TMEM131: variants seen among roughly 807,000 people sequenced by gnomAD.
TMEM131 encodes the protein transmembrane protein 131.
Under a neutral mutation model 211.6 loss-of-function variants are expected in TMEM131, and 66 were observed. That is an observed-to-expected ratio of 0.31 (90% CI 0.26 to 0.38). The LOEUF (loss-of-function observed/expected upper bound fraction) is 0.38, where lower values mean the gene tolerates loss of function less well. Ranked by LOEUF, TMEM131 falls within the 10% of genes least tolerant of loss-of-function variation. TMEM131 has a pLI of 1.00. For missense variants in TMEM131, 2,036 were observed against 2,299.3 expected, an observed-to-expected ratio of 0.89 and a Z score of 2.34; for synonymous variants, 844 against 841.3, an observed-to-expected ratio of 1.00 and a Z score of -0.06.
At chr2:97,885,627 T>C (rs1326734450) in intron 4 of TMEM131, among the ~76,000 whole-genome samples, 3 of 152,234 alleles carry the variant, frequency 2.0e-5, no homozygotes, top group African/African-American at 7.2e-5. Context: ...CTGTAAGTTT[T>C]CTGCTGAGAA....
chr2:97,951,244 T>C (rs1678296537), intron 1 of TMEM131, among the ~76,000 whole-genome samples: 1 of 152,210 alleles, frequency 6.6e-6, no homozygotes, highest in Non-Finnish European at 1.5e-5. Context: ...TTGTAGTCTG[T>C]AGTTCCAAAG....
At position 97,766,119 on chromosome 2, in the gene TMEM131, C is replaced by T. The variant is rs1229855906; in HGVS notation, c.4718G>A (p.Gly1573Asp). ...EWDSVPVHKP[G>D]SSTDSLYKLS... ...TTCTAAACTACTATACTTACAGCTG[C>T]CAGGTTTGTGAACTGGAACGGAATC... The change falls in exon 35 of 41, where the codon GGC becomes GAC. Residue 1573 changes from glycine to aspartate, a missense_variant. Physicochemically the swap from Gly to Asp is moderately conservative, Grantham distance 94. Around this residue, in one of 3 missense-constraint regions of TMEM131, gnomAD observed 1,623 missense variants for 1,805.9 expected, o/e 0.90. Transcript: ENST00000186436. 6.2e-7 allele frequency: 1 copy of T among 1,613,852 alleles called. No homozygotes were observed. Among genetic ancestry groups the T allele is most frequent in the Non-Finnish European group, 8.5e-7 (1 of 1,179,882 alleles).
chr2:97,869,868 C>T (rs1369997001), intron 4 of TMEM131, among the ~76,000 whole-genome samples: 7 of 152,204 alleles, frequency 4.6e-5, no homozygotes, highest in Non-Finnish European at 7.3e-5. Flanking sequence ...TCTTACAATT[C>T]TGTAAGAATG....
intron 5 of TMEM131, among the ~76,000 whole-genome samples, chr2:97,850,488 C>T (rs997778278): frequency 3.3e-5 from 5 of 152,126 alleles, no homozygotes; most frequent in Admixed American, 2.6e-4. Context: ...CCACCAGTGC[C>T]ATCCTCTCTG....
chr2:97,805,312 C>G lies in TMEM131; in HGVS notation c.2284+64G>C, dbSNP rs947659294. On this transcript the variant is annotated intron_variant, in intron 21 of 40. Transcript: ENST00000186436. Reference sequence around the variant, plus strand: ...CAGCAATGTACTTTAAAAGTGGCGGCCTCTTACTAAAAGAGTATTTTGGGG... The same window carrying G: ...CAGCAATGTACTTTAAAAGTGGCGGGCTCTTACTAAAAGAGTATTTTGGGG... The G allele has an allele frequency of 7.0e-6, 11 of 1,575,352 alleles. No individual in the cohort carries two copies. In the East Asian group the frequency reaches 2.3e-4, roughly 33 times the overall value.
chr2:97,963,883 T>C (rs1362140779), intron 1 of TMEM131, among the ~76,000 whole-genome samples: 1 of 152,242 alleles, frequency 6.6e-6, no homozygotes, highest in Non-Finnish European at 1.5e-5. Flanking sequence ...TGCATAGTGG[T>C]AAATTTTTGC....
At chr2:97,773,677 T>C (rs1573336788) in intron 32 of TMEM131, among the ~76,000 whole-genome samples, 1 of 150,228 alleles carries the variant, frequency 6.7e-6, no homozygotes, top group African/African-American at 2.5e-5. Flanking sequence ...TGAGACAAGG[T>C]ACTCACTCTG....
intron 31 of TMEM131, among the ~76,000 whole-genome samples, chr2:97,784,179 GA>G (rs1362185235): frequency 6.6e-6 from 1 of 152,028 alleles, no homozygotes; most frequent in East Asian, 1.9e-4. Flanking sequence ...CAACTAGACA[GA>G]AAAATCAGGA....
At chr2:97,771,206 A>G (rs565331505) in intron 33 of TMEM131, among the ~76,000 whole-genome samples, 1 of 152,332 alleles carries the variant, frequency 6.6e-6, no homozygotes, top group South Asian at 2.1e-4. Flanking sequence ...AATTGCCACA[A>G]AAGAGTAAAT....
intron 1 of TMEM131, among the ~76,000 whole-genome samples, chr2:97,992,910 C>A (rs1285667087): frequency 6.6e-6 from 1 of 152,178 alleles, no homozygotes; most frequent in African/African-American, 2.4e-5. Context: ...ACAAACTTTA[C>A]ATCACAGCCA....
At position 97,833,461 on chromosome 2, in the gene TMEM131, A is replaced by G. The variant is rs775163794; in HGVS notation, c.1013-35T>C. On this transcript the variant is annotated intron_variant, in intron 10 of 40. Transcript: ENST00000186436. ...TTGAGGAAAAGAAATATTTCTTAAA[A>G]AGGTGCTTTTTAGCCAAGTTAGAAT... 18 of 1,061,118 alleles carry G rather than the reference A, an allele frequency of 1.7e-5. No homozygotes were observed. In the African/African-American group the frequency reaches 2.0e-4, roughly 12 times the overall value. 65.7% of individuals were successfully genotyped at this position (1,061,118 alleles called of 1,614,324 possible). A position where few individuals can be genotyped will look rare whatever the true frequency, so the allele number is the denominator to read the frequency against.
In TMEM131 at chr2:97,959,265, G is replaced by A. The variant is rs191095541; in HGVS notation, c.188-31778C>T. Among the ~76,000 whole-genome samples, 116 of 152,252 alleles carry A rather than the reference G, an allele frequency of 7.6e-4. No individual in the cohort carries two copies. In the East Asian group the frequency reaches 0.014, roughly 19 times the overall value. On this transcript the variant is annotated intron_variant, in intron 1 of 40. Coordinates refer to ENST00000186436, the MANE Select transcript of TMEM131 (RefSeq NM_015348.2). ...GAAGGGAGAAATAGAAGGAGCTGAC[G>A]CTGGAGGGTCTGTTTCAATGAGCTA...
chr2:97,970,975 A>G (rs1679272824), intron 1 of TMEM131, among the ~76,000 whole-genome samples: 1 of 152,228 alleles, frequency 6.6e-6, no homozygotes, highest in Non-Finnish European at 1.5e-5. Context: ...TGGGGGGAGT[A>G]TAAAGAATGA....
intron 4 of TMEM131, among the ~76,000 whole-genome samples, chr2:97,876,935 T>C (rs1045083768): frequency 1.2e-4 from 18 of 152,226 alleles, no homozygotes; most frequent in African/African-American, 4.1e-4. Context: ...GATGAAATGA[T>C]GATACGTTTA....
chr2:97,762,483 G>T (rs555455142), intron 35 of TMEM131: 5 of 302,026 alleles, frequency 1.7e-5, no homozygotes, highest in Non-Finnish European at 3.1e-5. Context: ...GGGGAGGAGG[G>T]TCTTCCACAT....
intron 1 of TMEM131, among the ~76,000 whole-genome samples, chr2:97,929,201 A>G (rs1158214195): frequency 6.6e-6 from 1 of 151,734 alleles, no homozygotes; most frequent in Non-Finnish European, 1.5e-5. Context: ...CAAATCCTAC[A>G]CTGATGGGGA....
chr2:97,992,168 A>T (rs1680296513), intron 1 of TMEM131, among the ~76,000 whole-genome samples: 1 of 152,244 alleles, frequency 6.6e-6, no homozygotes, highest in Non-Finnish European at 1.5e-5. Context: ...TTTCAAAAAC[A>T]TTTTAACATT....
intron 11 of TMEM131, among the ~76,000 whole-genome samples, chr2:97,819,629 T>A (rs947186820): frequency 2.0e-5 from 3 of 152,210 alleles, no homozygotes; most frequent in African/African-American, 7.2e-5. Flanking sequence ...AACTCTTGAT[T>A]AAAAAATAAT....
chr2:97,772,696 G>C (rs2104804435), intron 32 of TMEM131, among the ~76,000 whole-genome samples: 1 of 152,298 alleles, frequency 6.6e-6, no homozygotes. Flanking sequence ...AGAAGTTCAA[G>C]ACTAGTCTGG....
Sources: gnomAD v4.1 joint callset for allele counts (sites outside exome capture counted in the v4.1 genomes callset) on GRCh38, gnomAD v4.1.1 for gene constraint, gnomAD v4.1.1 regional missense constraint, MANE v1.5 for transcripts, NCBI Gene and HGNC (gene_info 2026-07-23, HGNC 2026-07-21) for gene names.